The following ZFHX3 variants were observed in gnomAD, a reference collection of about 807,000 sequenced individuals.
The protein encoded by ZFHX3 is zinc finger homeobox 3, also known as zinc finger homeobox protein 3.
A neutral mutation model predicts 279.1 loss-of-function variants in ZFHX3; 42 were observed. The ratio of observed to expected loss-of-function variants is 0.15; its 90% CI spans 0.12 to 0.19. The LOEUF (loss-of-function observed/expected upper bound fraction) is 0.19, where lower values mean the gene tolerates loss of function less well. Ranked by LOEUF, ZFHX3 falls within the 10% of genes least tolerant of loss-of-function variation. ZFHX3 has a pLI of 1.00. For missense variants in ZFHX3, 4,981 were observed against 4,754.0 expected (o/e 1.05, Z -1.40); for synonymous variants, 2,293 against 1,957.8 (o/e 1.17, Z -4.52).
In ZFHX3 at chr16:73,103,158, C is replaced by T. The variant is rs147621997; in HGVS notation, c.-896-9560G>A. ...CAAGCTGGTCTCGAACTCCTGACCG[C>T]AAGTGATCCACCCGCTTCCGCCTCC... On this transcript the variant is annotated intron_variant, in intron 7 of 17. Transcript: ENST00000641206. 3.2e-3 allele frequency among the ~76,000 whole-genome samples: 486 copies of T among 152,288 alleles called. 6 individuals carry two copies. The highest frequency in any genetic ancestry group is 0.011 in the African/African-American group (449 of 41,574).
chr16:73,394,930 A>G (rs1158049766), intron 3 of ZFHX3, among the ~76,000 whole-genome samples: 2 of 152,216 alleles, frequency 1.3e-5, no homozygotes, highest in East Asian at 1.9e-4. Flanking sequence ...GAAAGTTCAC[A>G]TTAGTAAAGC....
chr16:73,522,541 A>G (rs2143709093), intron 2 of ZFHX3, among the ~76,000 whole-genome samples: 1 of 152,270 alleles, frequency 6.6e-6, no homozygotes, highest in African/African-American at 2.4e-5. Context: ...GGAGGAGGTT[A>G]CTTGGGAGAG....
intron 4 of ZFHX3, among the ~76,000 whole-genome samples, chr16:73,309,618 G>A (rs1488043852): frequency 6.6e-6 from 1 of 152,184 alleles, no homozygotes; most frequent in African/African-American, 2.4e-5. Context: ...GATACTGAAA[G>A]TTACTTTTAA....
rs146276057 is a variant in ZFHX3 at position 73,010,929 on chromosome 16, C to T, written c.-50+36823G>A. Reference sequence around the variant, plus strand: ...AAGTGATCCTCCCAAGTCTACCTCCCGAGTAGCTAGGACTACAGGTGTGCA... The same window carrying T: ...AAGTGATCCTCCCAAGTCTACCTCCTGAGTAGCTAGGACTACAGGTGTGCA... On this transcript the variant is annotated intron_variant, in intron 1 of 9. Transcript: ENST00000268489. 3.1e-4 allele frequency among the ~76,000 whole-genome samples: 47 copies of T among 152,280 alleles called. No homozygotes were observed. In the South Asian group the frequency reaches 4.4e-3, roughly 14 times the overall value.
chr16:72,869,288 C>A (rs981355815), intron 4 of ZFHX3, among the ~76,000 whole-genome samples: 2 of 152,218 alleles, frequency 1.3e-5, no homozygotes, highest in African/African-American at 4.8e-5. Context: ...AGTTACCAGC[C>A]CCTCTGCCAT....
chr16:73,627,637 G>A (rs2052430233), intron 2 of ZFHX3, among the ~76,000 whole-genome samples: 2 of 152,196 alleles, frequency 1.3e-5, no homozygotes, highest in Non-Finnish European at 2.9e-5. Flanking sequence ...ACAGCTGTTG[G>A]GGTGGGCGCA....
intron 2 of ZFHX3, among the ~76,000 whole-genome samples, chr16:73,514,368 G>A (rs571381968): frequency 3.3e-4 from 51 of 152,262 alleles, no homozygotes; most frequent in African/African-American, 1.2e-3. Flanking sequence ...AATAATAGTG[G>A]CTTTCATTTA....
At chr16:72,824,818 CG>C (rs773387904) in intron 5 of ZFHX3, among the ~76,000 whole-genome samples, 2 of 152,160 alleles carry the variant, frequency 1.3e-5, no homozygotes, top group Non-Finnish European at 2.9e-5. Flanking sequence ...GTTGCTGACA[CG>C]GGGGGCTCTT....
intron 2 of ZFHX3, among the ~76,000 whole-genome samples, chr16:73,618,630 C>T (rs1246275314): frequency 6.6e-6 from 1 of 152,164 alleles, no homozygotes; most frequent in African/African-American, 2.4e-5. Flanking sequence ...AGACAGATGG[C>T]TGCAACTCCA....
intron 1 of ZFHX3, among the ~76,000 whole-genome samples, chr16:73,761,584 T>C (rs901042490): frequency 6.6e-6 from 1 of 152,154 alleles, no homozygotes; most frequent in Non-Finnish European, 1.5e-5. Flanking sequence ...CTTCAAACTA[T>C]ACTACAAGGC....
chr16:73,539,384 C>T (rs1036978720), intron 2 of ZFHX3, among the ~76,000 whole-genome samples: 1 of 145,542 alleles, frequency 6.9e-6, no homozygotes, highest in Non-Finnish European at 1.5e-5. Flanking sequence ...TTCCTTGTTG[C>T]TATGGCTGCT....
At chr16:73,529,603 T>A (rs2550316) in intron 2 of ZFHX3, among the ~76,000 whole-genome samples, 3 of 152,190 alleles carry the variant, frequency 2.0e-5, no homozygotes, top group Admixed American at 6.5e-5. Context: ...CCAGTGCCCC[T>A]TGTCCAGGGG....
chr16:73,006,812 A>G (rs1963720296), intron 1 of ZFHX3, among the ~76,000 whole-genome samples: 1 of 152,154 alleles, frequency 6.6e-6, no homozygotes, highest in South Asian at 2.1e-4. Flanking sequence ...CCTGATATAA[A>G]ACAGCATAAT....
At chr16:73,616,270 TTTCCA>T (rs756027109) in intron 2 of ZFHX3, among the ~76,000 whole-genome samples, 3 of 151,204 alleles carry the variant, frequency 2.0e-5, no homozygotes, top group Non-Finnish European at 4.4e-5. Flanking sequence ...GTGCTTTTAC[TTTCCA>T]TTCAAGTTAG....
intron 1 of ZFHX3, among the ~76,000 whole-genome samples, chr16:73,682,848 GAA>G (rs1421488969): frequency 9.6e-6 from 1 of 103,686 alleles, no homozygotes; most frequent in Non-Finnish European, 1.9e-5. Context: ...GAGAAAAAAA[GAA>G]AGAGAAAGAA....
At chr16:73,756,653 A>G (rs1170853813) in intron 1 of ZFHX3, among the ~76,000 whole-genome samples, 1 of 152,052 alleles carries the variant, frequency 6.6e-6, no homozygotes, top group East Asian at 1.9e-4. Context: ...CAAGAATAGG[A>G]TGACATTTCT....
intron 1 of ZFHX3, among the ~76,000 whole-genome samples, chr16:73,798,187 A>G (rs1380129223): frequency 6.6e-6 from 1 of 152,128 alleles, no homozygotes; most frequent in Admixed American, 6.5e-5. Flanking sequence ...TTGTGCATTC[A>G]AGACTGGGCT....
chr16:73,817,454 A>G (rs1276766325), intron 1 of ZFHX3, among the ~76,000 whole-genome samples: 2 of 152,184 alleles, frequency 1.3e-5, no homozygotes, highest in Non-Finnish European at 1.5e-5. Context: ...GGCTATTATC[A>G]TCTTTCAGGG....
chr16:73,568,932 A>G (rs2020490267), intron 2 of ZFHX3, among the ~76,000 whole-genome samples: 1 of 152,110 alleles, frequency 6.6e-6, no homozygotes, highest in Non-Finnish European at 1.5e-5. Context: ...TAAGAAGATT[A>G]CAGAATGTCA....
Sources: allele counts gnomAD v4.1 joint callset (sites outside exome capture counted in the v4.1 genomes callset), GRCh38; gene constraint gnomAD v4.1.1; transcripts MANE v1.5; gene names NCBI Gene and HGNC (gene_info 2026-07-23, HGNC 2026-07-21).